The following TCP11L2 variants were observed in gnomAD, a reference collection of about 807,000 sequenced individuals.
The protein encoded by TCP11L2 is t-complex 11 like 2.
TCP11L2 carries 39 observed loss-of-function variants against 50.7 expected under a neutral mutation model. That is an observed-to-expected ratio of 0.77 (90% CI 0.60 to 1.01). TCP11L2 has a LOEUF of 1.01. Ranked by LOEUF, TCP11L2 falls within the 50% of genes least tolerant of loss-of-function variation. The pLI is 0.00. For missense variants in TCP11L2, 612 were observed against 614.7 expected (o/e 1.00, Z 0.05); for synonymous variants, 192 against 219.3 (o/e 0.88, Z 1.10).
intron 5 of TCP11L2, among the ~76,000 whole-genome samples, chr12:106,322,548 C>T (rs2035376768): frequency 1.3e-5 from 2 of 152,174 alleles, no homozygotes; most frequent in African/African-American, 4.8e-5. Context: ...TATTATGTCA[C>T]GAGGATCTCA....
At chr12:106,305,728 G>A (rs573385426) in intron 1 of TCP11L2, among the ~76,000 whole-genome samples, 1 of 152,300 alleles carries the variant, frequency 6.6e-6, no homozygotes, top group African/African-American at 2.4e-5. Context: ...TTACCTCGTA[G>A]TTGGTGACAT....
intron 6 of TCP11L2, among the ~76,000 whole-genome samples, chr12:106,326,832 A>G (rs754060363): frequency 3.3e-4 from 51 of 152,298 alleles, no homozygotes; most frequent in Non-Finnish European, 5.4e-4. Flanking sequence ...AGTCATCTGG[A>G]TAGCCAGTTA....
chr12:106,312,196 C>T (rs2034880061), intron 2 of TCP11L2: 1 of 388,714 alleles, frequency 2.6e-6, no homozygotes, highest in South Asian at 2.0e-5. Context: ...ATACTTATTA[C>T]TTTACCAAGT....
At chr12:106,311,003 C>A in intron 1 of TCP11L2, 38 bp from the exon 2 acceptor site, 1 of 1,540,060 alleles carries the variant, frequency 6.5e-7, no homozygotes, top group South Asian at 1.2e-5. Context: ...TGTGGAAGTA[C>A]CACAGAACAT....
At chr12:106,320,641 C>T (rs1441810054) in intron 4 of TCP11L2, among the ~76,000 whole-genome samples, 1 of 152,190 alleles carries the variant, frequency 6.6e-6, no homozygotes, top group Admixed American at 6.5e-5. Context: ...AGGGCTGGTT[C>T]CTGCCTTGTG....
At position 106,346,582 on chromosome 12, in the gene TCP11L2, G is replaced by C; in HGVS notation, c.*52G>C. 1.9e-6 allele frequency: 3 copies of C among 1,565,830 alleles called. No individual in the cohort carries two copies. The highest frequency in any genetic ancestry group is 2.6e-6 in the Non-Finnish European group (3 of 1,159,986). ...TGGAAATCCAGTACTTTGGTATCCA[G>C]TCCACTTCCATTGATGGCATTAGAG... On this transcript the variant is annotated 3_prime_UTR_variant, in exon 10 of 10. Coordinates refer to ENST00000299045, the MANE Select transcript of TCP11L2 (RefSeq NM_152772.3).
intron 8 of TCP11L2, among the ~76,000 whole-genome samples, chr12:106,338,016 A>C (rs1042488527): frequency 2.0e-5 from 3 of 152,248 alleles, no homozygotes; most frequent in African/African-American, 7.2e-5. Flanking sequence ...TAATAGACCA[A>C]GATGTCATTT....
chr12:106,308,567 A>C (rs11832187), intron 1 of TCP11L2, among the ~76,000 whole-genome samples: 1 of 152,282 alleles, frequency 6.6e-6, no homozygotes, highest in African/African-American at 2.4e-5. Context: ...AGGGCAACCG[A>C]AGTAGAGAAA....
intron 1 of TCP11L2, chr12:106,303,312 G>C (rs1251425593): frequency 6.5e-6 from 1 of 152,992 alleles, no homozygotes; most frequent in Non-Finnish European, 1.5e-5. Flanking sequence ...CACACTCCTC[G>C]GCCGGGCTGG....
At chr12:106,312,045 G>A (rs1415966947) in intron 2 of TCP11L2, among the ~76,000 whole-genome samples, 1 of 152,132 alleles carries the variant, frequency 6.6e-6, no homozygotes, top group Non-Finnish European at 1.5e-5. Flanking sequence ...ATCACTCAAA[G>A]ACGACAGCTG....
intron 6 of TCP11L2, chr12:106,329,667 A>T: frequency 8.4e-7 from 1 of 1,197,120 alleles, no homozygotes; most frequent in African/African-American, 1.6e-5. Context: ...ACTATGCCAC[A>T]CTGTTGCTTT....
intron 1 of TCP11L2, among the ~76,000 whole-genome samples, chr12:106,305,888 T>C (rs1420037667): frequency 3.3e-5 from 5 of 152,118 alleles, no homozygotes; most frequent in Non-Finnish European, 7.4e-5. Context: ...GAAGGGTTAG[T>C]GGGAGAACAC....
At chr12:106,344,436 G>A (rs560398133) in intron 9 of TCP11L2, among the ~76,000 whole-genome samples, 1 of 152,302 alleles carries the variant, frequency 6.6e-6, no homozygotes, top group East Asian at 1.9e-4. Flanking sequence ...TGTCACGATA[G>A]TCTGGTAACA....
intron 8 of TCP11L2, among the ~76,000 whole-genome samples, chr12:106,339,984 A>G (rs931665018): frequency 6.6e-6 from 1 of 152,242 alleles, no homozygotes; most frequent in Non-Finnish European, 1.5e-5. Context: ...TATTAGACAC[A>G]TAGAAGTTCA....
intron 6 of TCP11L2, chr12:106,329,484 G>A: frequency 1.7e-5 from 26 of 1,512,544 alleles, no homozygotes; most frequent in East Asian, 2.5e-5. Flanking sequence ...CTGCTTTACC[G>A]GTCATTCTCA....
At chr12:106,320,961 A>G (rs920584470) in intron 4 of TCP11L2, among the ~76,000 whole-genome samples, 2 of 152,158 alleles carry the variant, frequency 1.3e-5, no homozygotes, top group African/African-American at 4.8e-5. Context: ...TGGGTCAATC[A>G]TTATCTTGTT....
At chr12:106,329,853 A>G (rs2136764264) in intron 6 of TCP11L2, 1 of 985,862 alleles carries the variant, frequency 1.0e-6, no homozygotes, top group African/African-American at 1.7e-5. Context: ...TTTATAAAAC[A>G]GAACTAGCAA....
chr12:106,312,595 T>C (rs1592933654), intron 2 of TCP11L2, among the ~76,000 whole-genome samples: 1 of 152,076 alleles, frequency 6.6e-6, no homozygotes, highest in African/African-American at 2.4e-5. Context: ...CTCCTAAAAA[T>C]TAGGTAGCCA....
intron 5 of TCP11L2, among the ~76,000 whole-genome samples, chr12:106,322,010 C>G (rs866688867): frequency 6.6e-6 from 1 of 152,160 alleles, no homozygotes; most frequent in Admixed American, 6.5e-5. Context: ...CAATTAATTA[C>G]AATTGTGATA....
Sources: allele counts gnomAD v4.1 joint callset (sites outside exome capture counted in the v4.1 genomes callset), GRCh38; gene constraint gnomAD v4.1.1; transcripts MANE v1.5; gene names NCBI Gene and HGNC (gene_info 2026-07-23, HGNC 2026-07-21).